RAB10: variants seen among roughly 807,000 people sequenced by gnomAD.
RAB10 encodes ras-related protein Rab-10.
In RAB10, 5 loss-of-function variants were observed where a neutral mutation model predicts 25.7. That is an observed-to-expected ratio of 0.19 (90% CI 0.10 to 0.41). The LOEUF (loss-of-function observed/expected upper bound fraction) is 0.41. Among genes scored for constraint, RAB10 ranks in the 10% least tolerant of loss-of-function variants. The pLI is 1.00. For missense variants in RAB10, 103 were observed against 245.8 expected (o/e 0.42, Z 3.89); for synonymous variants, 89 against 86.4 (o/e 1.03, Z -0.16).
intron 1 of RAB10, among the ~76,000 whole-genome samples, chr2:26,073,937 G>A (rs1415197997): frequency 6.6e-6 from 1 of 152,164 alleles, no homozygotes; most frequent in Admixed American, 6.5e-5. Flanking sequence ...CAGTTTAGAG[G>A]ATGTTATATA....
chr2:26,114,737 CAA>C (rs58252306), intron 3 of RAB10, among the ~76,000 whole-genome samples: 16 of 66,038 alleles, frequency 2.4e-4, no homozygotes, highest in South Asian at 4.1e-4. Flanking sequence ...CAAAAATATA[CAA>C]AAAAAAAAAA....
At chr2:26,112,548 G>A (rs1401064465) in intron 3 of RAB10, among the ~76,000 whole-genome samples, 1 of 152,160 alleles carries the variant, frequency 6.6e-6, no homozygotes, top group Non-Finnish European at 1.5e-5. Flanking sequence ...CATCTGACAT[G>A]GTAGACTGGA....
intron 2 of RAB10, 69 bp downstream of exon 2, chr2:26,098,791 T>C: frequency 7.6e-7 from 1 of 1,319,180 alleles, no homozygotes; most frequent in South Asian, 1.3e-5. Flanking sequence ...TGAAATTCTT[T>C]TTTGTCACAG....
upstream of RAB10, among the ~76,000 whole-genome samples, chr2:26,033,937 C>A (rs571886451): frequency 2.6e-5 from 4 of 152,220 alleles, no homozygotes; most frequent in African/African-American, 9.6e-5. Flanking sequence ...CCCTTCTCCC[C>A]TCTGGGTCCA....
chr2:26,082,687 GAAGAAACA>G (rs1666894267), intron 1 of RAB10, among the ~76,000 whole-genome samples: 9 of 152,088 alleles, frequency 5.9e-5, no homozygotes, highest in Admixed American at 5.2e-4. Flanking sequence ...AATGTTTAAA[GAAGAAACA>G]ATATGAATCT....
At chr2:26,038,866 A>G (rs1254806204) in intron 1 of RAB10, among the ~76,000 whole-genome samples, 1 of 148,844 alleles carries the variant, frequency 6.7e-6, no homozygotes, top group African/African-American at 2.5e-5. Flanking sequence ...CGGAGCTTGC[A>G]GTGAGCCGAG....
intron 4 of RAB10, 54 bp downstream of exon 4, chr2:26,127,287 A>G: frequency 1.5e-6 from 2 of 1,291,812 alleles, no homozygotes; most frequent in Non-Finnish European, 2.2e-6. Context: ...AGGTAATGCT[A>G]CTTTTGATTA....
At chr2:26,094,081 G>A (rs1216537861) in intron 1 of RAB10, among the ~76,000 whole-genome samples, 2 of 151,042 alleles carry the variant, frequency 1.3e-5, no homozygotes, top group Non-Finnish European at 3.0e-5. Context: ...TAGAGATGAG[G>A]TTTTGCCTTG....
intron 1 of RAB10, among the ~76,000 whole-genome samples, chr2:26,083,954 A>G (rs987065277): frequency 1.3e-5 from 2 of 152,250 alleles, no homozygotes; most frequent in African/African-American, 4.8e-5. Context: ...TTAGACATGG[A>G]AAACTACAAA....
intron 1 of RAB10, among the ~76,000 whole-genome samples, chr2:26,051,365 C>G (rs1232984174): frequency 3.6e-5 from 1 of 27,844 alleles, no homozygotes; most frequent in Non-Finnish European, 6.0e-5. Context: ...TTTTTGCCCC[C>G]CCCCCCCCCC....
At chr2:26,087,543 C>A (rs1251426475) in intron 1 of RAB10, among the ~76,000 whole-genome samples, 3 of 152,122 alleles carry the variant, frequency 2.0e-5, no homozygotes, top group African/African-American at 7.2e-5. Context: ...GCTGGGATTA[C>A]AGGCGCCTGC....
intron 3 of RAB10, among the ~76,000 whole-genome samples, chr2:26,124,433 T>C (rs1306497161): frequency 7.5e-6 from 1 of 132,676 alleles, no homozygotes. Context: ...AGGTTCTTGC[T>C]TTGTTGCCCT....
chr2:26,033,794 C>CG (rs900118363), upstream of RAB10, among the ~76,000 whole-genome samples: 5 of 108,902 alleles, frequency 4.6e-5, no homozygotes, highest in Admixed American at 8.4e-5. Flanking sequence ...AGGCGGGAGG[C>CG]GGGGGTCGGA....
chr2:26,125,316 C>T (rs1298914578), intron 3 of RAB10, among the ~76,000 whole-genome samples: 5 of 151,460 alleles, frequency 3.3e-5, no homozygotes, highest in African/African-American at 1.2e-4. Context: ...AGTGGTATCT[C>T]TCATTGTGGT....
At position 26,136,218 on chromosome 2, in the gene RAB10, A is replaced by G. The variant is rs1668109830; in HGVS notation, c.*1197A>G. The G allele has an allele frequency of 6.6e-6, 1 of 152,516 alleles. No individual in the cohort carries two copies. The highest frequency in any genetic ancestry group is 2.4e-5 in the African/African-American group (1 of 41,408). The allele number at this position is 152,516 out of a possible 1,614,324, so 9.4% of individuals were successfully genotyped here. A position where few individuals can be genotyped will look rare whatever the true frequency, so the allele number is the denominator to read the frequency against. ...AATTTGAGTAGTCTGCATTTTGGCA[A>G]CTCCTCTAGCAGCTTGGTAGCCTAG... On this transcript the variant is annotated 3_prime_UTR_variant, in exon 6 of 6. Transcript: ENST00000264710.
chr2:26,044,848 G>C (rs1302568495), intron 1 of RAB10, among the ~76,000 whole-genome samples: 1 of 151,982 alleles, frequency 6.6e-6, no homozygotes, highest in Non-Finnish European at 1.5e-5. Flanking sequence ...GCCCCGCCAG[G>C]AGTTTTTATT....
chr2:26,074,421 A>G (rs1206582498), intron 1 of RAB10, among the ~76,000 whole-genome samples: 2 of 151,944 alleles, frequency 1.3e-5, no homozygotes, highest in African/African-American at 4.8e-5. Flanking sequence ...TTTAATTTTA[A>G]TATTTTATTT....
chr2:26,128,070 G>C, intron 5 of RAB10, 119 bp downstream of exon 5: 3 of 862,478 alleles, frequency 3.5e-6, no homozygotes, highest in Non-Finnish European at 5.6e-6. Context: ...GTTTCTGTAG[G>C]GCAGCAGTCC....
chr2:26,113,699 T>C (rs1478335012), intron 3 of RAB10, among the ~76,000 whole-genome samples: 1 of 148,606 alleles, frequency 6.7e-6, no homozygotes, highest in Non-Finnish European at 1.5e-5. Context: ...GAATATCTAC[T>C]CTGGCCACTT....
Sources: gnomAD v4.1 joint callset for allele counts (sites outside exome capture counted in the v4.1 genomes callset) on GRCh38, gnomAD v4.1.1 for gene constraint, MANE v1.5 for transcripts, NCBI Gene and HGNC (gene_info 2026-07-23, HGNC 2026-07-21) for gene names.